The following IL10 variants were observed in gnomAD, a reference collection of about 807,000 sequenced individuals.
IL10 encodes interleukin-10.
In IL10, 7 loss-of-function variants were observed where a neutral mutation model predicts 21.0. The ratio of observed to expected loss-of-function variants is 0.33; its 90% confidence interval spans 0.19 to 0.63. IL10 has a LOEUF of 0.63. IL10 is among the 20% of genes least tolerant of loss of function. The pLI is 0.77. For synonymous variants in IL10, 83 were observed against 79.7 expected (o/e 1.04, Z -0.22); for missense variants, 161 against 213.0 (o/e 0.76, Z 1.52).
Position 206,772,296 on chromosome 1 carries a change from G to A in IL10, c.140C>T (p.Ala47Val), listed in dbSNP as rs1373589952. 7 of 1,614,030 alleles carry A rather than the reference G, an allele frequency of 4.3e-6. No individual in the cohort carries two copies. Among genetic ancestry groups the A allele is most frequent in the Non-Finnish European group, 5.9e-6 (7 of 1,179,994 alleles). The change falls in exon 1 of 5, where the codon GCC becomes GTC. Residue 47 changes from alanine to valine, a missense_variant. Physicochemically the swap from Ala to Val is moderately conservative, Grantham distance 64. Transcript: ENST00000423557. ...LPNMLRDLRD[A>V]FSRVKTFFQM... ...AAAGAAAGTCTTCACTCTGCTGAAG[G>A]CATCTCGGAGATCTCGAAGCATGTT...
At chr1:206,771,862 C>T (rs1327922382) in intron 1 of IL10, among the ~76,000 whole-genome samples, 1 of 152,216 alleles carries the variant, frequency 6.6e-6, no homozygotes, top group Admixed American at 6.5e-5. Flanking sequence ...ATGTAGAGTG[C>T]TTCCCTAAAC....
At chr1:206,771,462 A>G (rs756863122) in intron 1 of IL10, 47 bp from the exon 2 acceptor site, 32 of 1,477,164 alleles carry the variant, frequency 2.2e-5, no homozygotes, top group Non-Finnish European at 2.9e-5. Flanking sequence ...TGGGGAAATA[A>G]CTGAAATGCG....
chr1:206,768,762 T>C, intron 4 of IL10, 34 bp from the exon 5 acceptor site: 4 of 1,367,116 alleles, frequency 2.9e-6, no homozygotes, highest in Non-Finnish European at 4.2e-6. Flanking sequence ...ACAGTTAAAA[T>C]CCTTTCTGGG....
chr1:206,769,924 T>A, intron 3 of IL10, 30 bp from the exon 4 acceptor site: 1 of 1,590,162 alleles, frequency 6.3e-7, no homozygotes, highest in Admixed American at 1.7e-5. Context: ...GTGTTGGTGA[T>A]CCTGGCTTCC....
Position 206,768,157 on chromosome 1 carries a change from C to G in IL10, c.*479G>C, listed in dbSNP as rs1674723079. On this transcript the variant is annotated 3_prime_UTR_variant, in exon 5 of 5. Transcript: ENST00000423557. ...GGTGAATTAATCATCAAAGGGGCTC[C>G]CTGGTTTCTCTTCCTAAGAGTATTT... 5 of 224,374 alleles carry G rather than the reference C, an allele frequency of 2.2e-5. No individual in the cohort carries two copies. The South Asian group carries it at 6.6e-4, about 29-fold the overall frequency. 13.9% of individuals were successfully genotyped at this position (224,374 alleles called of 1,614,324 possible).
intron 3 of IL10, 88 bp downstream of exon 3, chr1:206,770,819 G>T (rs1218783800): frequency 1.8e-5 from 23 of 1,255,540 alleles, no homozygotes; most frequent in Middle Eastern, 1.8e-4. Flanking sequence ...TGTCTTTGCT[G>T]TGTCTGTGGA....
chr1:206,769,460 C>G (rs180814796), intron 4 of IL10, among the ~76,000 whole-genome samples: 1 of 152,330 alleles, frequency 6.6e-6, no homozygotes, highest in Non-Finnish European at 1.5e-5. Context: ...CATTTATGTG[C>G]CAGCTTCCTG....
intron 1 of IL10, 131 bp from the exon 2 acceptor site, chr1:206,771,546 G>C (rs1674842932): frequency 1.3e-6 from 1 of 761,058 alleles, no homozygotes. Flanking sequence ...AAAATCAAAA[G>C]GGGAGTTTTA....
intron 3 of IL10, chr1:206,770,319 A>T: frequency 3.1e-6 from 1 of 319,516 alleles, no homozygotes; most frequent in Non-Finnish European, 6.1e-6. Flanking sequence ...ATAGACACCA[A>T]CTGATTTTCC....
intron 1 of IL10, among the ~76,000 whole-genome samples, chr1:206,771,725 AC>A (rs1373929590): frequency 6.6e-6 from 1 of 152,192 alleles, no homozygotes; most frequent in Non-Finnish European, 1.5e-5. Context: ...ACCTATGTCA[AC>A]CCTTCGGGGC....
intron 4 of IL10, 112 bp from the exon 5 acceptor site, chr1:206,768,840 C>T (rs952013365): frequency 4.1e-6 from 3 of 723,844 alleles, no homozygotes; most frequent in Non-Finnish European, 7.6e-6. Context: ...GTTGCTTGTT[C>T]TCCCTCACGC....
At chr1:206,771,511 TA>T in intron 1 of IL10, 96 bp from the exon 2 acceptor site, 2 of 1,060,916 alleles carry the variant, frequency 1.9e-6, no homozygotes, top group Non-Finnish European at 2.8e-6. Context: ...TTTTTTTTTT[TA>T]AATAAAATTG....
chr1:206,771,155 G>A (rs914866462), intron 2 of IL10, 96 bp from the exon 3 acceptor site: 55 of 1,401,702 alleles, frequency 3.9e-5, no homozygotes, highest in South Asian at 5.8e-5. Context: ...TGGTTCTAGC[G>A]ATCCTCCTTC....
rs1674807484 is a variant in IL10, at chr1:206,770,841, C to T, written c.378+66G>A. 1.1e-5 allele frequency: 17 copies of T among 1,483,102 alleles called. No individual in the cohort carries two copies. In the South Asian group the frequency reaches 1.4e-4, roughly 12 times the overall value. The allele number at this position is 1,483,102 out of a possible 1,614,324, so 91.9% of individuals were successfully genotyped here. A position where few individuals can be genotyped will look rare whatever the true frequency, so the allele number is the denominator to read the frequency against. On this transcript the variant is annotated intron_variant, in intron 3 of 4. Coordinates refer to ENST00000423557, the MANE Select transcript of IL10 (RefSeq NM_000572.3). ...GCTGTGTCTGTGGATGTGAGTGTCC[C>T]TGCTGGTCTGTAGGAGATGGTATTT...
At chr1:206,769,975 T>A (rs1572538471) in intron 3 of IL10, 81 bp from the exon 4 acceptor site, 1 of 1,148,848 alleles carries the variant, frequency 8.7e-7, no homozygotes, top group South Asian at 1.2e-5. Context: ...GCTGGTGGCA[T>A]CATGAGGAGG....
Position 206,767,848 on chromosome 1 carries a change from G to T in IL10, c.*788C>A, listed in dbSNP as rs1467701298. On this transcript the variant is annotated 3_prime_UTR_variant, in exon 5 of 5. Coordinates refer to ENST00000423557, the MANE Select transcript of IL10 (RefSeq NM_000572.3). ...GGGTTCAAGCAATTCTCTTGCCTCA[G>T]CCTCCCAAGTAGCTGGGATTACAGG... The T allele has an allele frequency of 6.5e-6, 1 of 153,586 alleles. No individual in the cohort carries two copies. Among genetic ancestry groups the T allele is most frequent in the Non-Finnish European group, 1.4e-5 (1 of 68,966 alleles). The allele number at this position is 153,586 out of a possible 1,614,324, so 9.5% of individuals were successfully genotyped here. A position where few individuals can be genotyped will look rare whatever the true frequency, so the allele number is the denominator to read the frequency against.
In IL10 at chr1:206,772,299, T is replaced by C. The variant is rs769965755; in HGVS notation, c.137A>G (p.Asp46Gly). ...NLPNMLRDLRDAFSRVKTFFQ... is the reference protein window; with the variant it reads ...NLPNMLRDLRGAFSRVKTFFQ... ...GAAAGTCTTCACTCTGCTGAAGGCA[T>C]CTCGGAGATCTCGAAGCATGTTAGG... The change falls in exon 1 of 5, where the codon GAT becomes GGT. Residue 46 changes from aspartate (D) to glycine (G), a missense_variant. By Grantham distance (94) the Asp-to-Gly change is moderately conservative. Coordinates refer to ENST00000423557, the MANE Select transcript of IL10 (RefSeq NM_000572.3). 1.9e-6 allele frequency: 3 copies of C among 1,614,182 alleles called. No homozygotes were observed. The highest frequency in any genetic ancestry group is 2.5e-6 in the Non-Finnish European group (3 of 1,180,014).
In IL10 at chr1:206,769,709, C is replaced by A. The variant is rs1674764268; in HGVS notation, c.444+120G>T. The A allele has an allele frequency of 3.7e-6, 3 of 805,128 alleles. No individual in the cohort carries two copies. In the South Asian group the frequency reaches 4.1e-5, roughly 11 times the overall value. The allele number at this position is 805,128 out of a possible 1,614,324, so 49.9% of individuals were successfully genotyped here. On this transcript the variant is annotated intron_variant, in intron 4 of 4. Transcript: ENST00000423557. ...GCAGGTCATACCATCTGTCAGGTTC[C>A]CACACTCTCTCCAATGAAGAATGGG...
intron 1 of IL10, 91 bp downstream of exon 1, chr1:206,772,180 G>T: frequency 9.0e-7 from 1 of 1,110,534 alleles, no homozygotes. Context: ...TGGAGGTGGA[G>T]GCGCAGGAGG....
Sources: allele counts gnomAD v4.1 joint callset (sites outside exome capture counted in the v4.1 genomes callset), GRCh38; gene constraint gnomAD v4.1.1; transcripts MANE v1.5; gene names NCBI Gene and HGNC (gene_info 2026-07-23, HGNC 2026-07-21).